Variants in PIK3IP1 observed in about 807,000 individuals in gnomAD.
PIK3IP1 encodes phosphoinositide-3-kinase-interacting protein 1.
In PIK3IP1, 28 loss-of-function variants were observed where a neutral mutation model predicts 30.7. That is an observed-to-expected ratio of 0.91 (90% confidence interval 0.68 to 1.25). The LOEUF is 1.25. Ranked by LOEUF, PIK3IP1 falls within the 50% of genes most tolerant of loss-of-function variation. The pLI, the probability that PIK3IP1 is intolerant of heterozygous loss-of-function variation, is 0.00. For synonymous variants in PIK3IP1, 159 were observed against 140.8 expected (o/e 1.13, Z -0.91); for missense variants, 333 against 346.2 (o/e 0.96, Z 0.30).
intron 1 of PIK3IP1, 82 bp from the exon 2 acceptor site, chr22:31,291,378 A>G: frequency 7.2e-7 from 1 of 1,382,808 alleles, no homozygotes; most frequent in Non-Finnish European, 1.0e-6. Flanking sequence ...GGGAGCCGGG[A>G]CCACCCGGGC....
chr22:31,284,321 C>T (rs962363912), intron 5 of PIK3IP1, among the ~76,000 whole-genome samples: 1 of 152,228 alleles, frequency 6.6e-6, no homozygotes, highest in Non-Finnish European at 1.5e-5. Context: ...GGCCAGGCTG[C>T]ATCATATACA....
chr22:31,291,160 G>A lies in PIK3IP1; in HGVS notation c.187+20C>T, dbSNP rs769070262. 1 of 1,538,902 alleles carries A rather than the reference G, an allele frequency of 6.5e-7. No individual in the cohort carries two copies. Among genetic ancestry groups the A allele is most frequent in the East Asian group, 2.5e-5 (1 of 40,038 alleles). On this transcript the variant is annotated intron_variant, in intron 2 of 5. Transcript: ENST00000215912. ...GCCGCCGCCCGCCAGCCCCGGGGCC[G>A]TCCCCCGGAGGACACTTACCCGACA...
intron 5 of PIK3IP1, among the ~76,000 whole-genome samples, chr22:31,288,338 C>A (rs1029184747): frequency 6.7e-6 from 1 of 149,444 alleles, no homozygotes; most frequent in African/African-American, 2.5e-5. Flanking sequence ...GTGATCGCAC[C>A]ACTGCACTCA....
intron 3 of PIK3IP1, 175 bp from the exon 4 acceptor site, chr22:31,289,874 C>A: frequency 3.2e-6 from 2 of 623,576 alleles, no homozygotes; most frequent in Non-Finnish European, 5.5e-6. Flanking sequence ...GAGGGCTGAA[C>A]CATCTCAGGG....
At chr22:31,283,797 C>T (rs897831003) in intron 5 of PIK3IP1, among the ~76,000 whole-genome samples, 3 of 152,028 alleles carry the variant, frequency 2.0e-5, no homozygotes, top group African/African-American at 4.8e-5. Context: ...ATCTGAACTT[C>T]GGACCTAACC....
At position 31,291,175 on chromosome 22, in the gene PIK3IP1, C is replaced by T. The variant is rs969609403; in HGVS notation, c.187+5G>A. The stretch of plus-strand genomic sequence containing the variant: ...CCCCGGGGCCGTCCCCCGGAGGACA[C>T]TTACCCGACACGGGGGCCGAGGCCA... On this transcript the variant is annotated splice_donor_5th_base_variant and intron_variant, in intron 2 of 5. Coordinates refer to ENST00000215912, the MANE Select transcript of PIK3IP1 (RefSeq NM_052880.5). 5 of 1,545,662 alleles carry T rather than the reference C, an allele frequency of 3.2e-6. No individual in the cohort carries two copies. The highest frequency in any genetic ancestry group is 3.5e-6 in the Non-Finnish European group (4 of 1,144,996).
At position 31,289,558 on chromosome 22, in the gene PIK3IP1, A is replaced by G. The variant is rs1437786367; in HGVS notation, c.449T>C (p.Ile150Thr). 1.9e-6 allele frequency: 3 copies of G among 1,557,986 alleles called. No individual in the cohort carries two copies. Among genetic ancestry groups the G allele is most frequent in the South Asian group, 2.4e-5 (2 of 84,528 alleles). Reference protein sequence around the residue: ...RSEAAAVQPVIGISQRVRMNS... With the variant: ...RSEAAAVQPVTGISQRVRMNS... The stretch of plus-strand genomic sequence containing the variant: ...CATCCGCACCCGCTGGCTGATCCCA[A>G]TCACTGGCTGCACAGCTGCCGCCTC... Residue 150 changes from isoleucine (I) to threonine (T), a missense_variant, in exon 4 of 6, where the codon ATT becomes ACT. Ile to Thr is a moderately conservative substitution (Grantham distance 89). Coordinates refer to ENST00000215912, the MANE Select transcript of PIK3IP1 (RefSeq NM_052880.5).
At chr22:31,290,449 CTCT>C (rs2049165338) in intron 3 of PIK3IP1, 1 of 153,122 alleles carries the variant, frequency 6.5e-6, no homozygotes, top group African/African-American at 2.4e-5. Flanking sequence ...ACCTAGAAAA[CTCT>C]CTTGCTGCTT....
At chr22:31,285,063 G>A (rs2049120907) in intron 5 of PIK3IP1, among the ~76,000 whole-genome samples, 1 of 152,186 alleles carries the variant, frequency 6.6e-6, no homozygotes, top group Non-Finnish European at 1.5e-5. Context: ...AGGTGTAGAG[G>A]AAGCTGCTGC....
chr22:31,283,075 T>TGG lies in PIK3IP1; in HGVS notation c.*7_*8dup, dbSNP rs772451031. On this transcript the variant is annotated 3_prime_UTR_variant, in exon 6 of 6. Coordinates refer to ENST00000215912, the MANE Select transcript of PIK3IP1 (RefSeq NM_052880.5). ...AGTGTCTGCATGGGCTCCTGCCCAC[T>TGG]GGGGGGGCTCAGGCCCCAGGAGTCC... 27 of 1,581,058 alleles carry TGG rather than the reference T, an allele frequency of 1.7e-5. No homozygotes were observed. In the African/African-American group the frequency reaches 3.2e-4, roughly 19 times the overall value.
chr22:31,286,628 A>G (rs572821643), intron 5 of PIK3IP1, among the ~76,000 whole-genome samples: 8 of 152,326 alleles, frequency 5.3e-5, no homozygotes, highest in African/African-American at 1.9e-4. Flanking sequence ...GAACAAATCT[A>G]GAAGAAAAAA....
chr22:31,289,293 G>C, intron 5 of PIK3IP1, 22 bp downstream of exon 5: 2 of 1,612,192 alleles, frequency 1.2e-6, no homozygotes, highest in Non-Finnish European at 1.7e-6. Flanking sequence ...TCCTAAGAGG[G>C]CCCAGAAGAG....
Position 31,292,264 on chromosome 22 carries a change from T to G in PIK3IP1, c.70+11A>C. 6.2e-7 allele frequency: 1 copy of G among 1,613,612 alleles called. No homozygotes were observed. Among genetic ancestry groups the G allele is most frequent in the Non-Finnish European group, 8.5e-7 (1 of 1,179,546 alleles). ...TGAAGTTGCTGCGGAAAGGAAAGAT[T>G]GTAATCTCACCTCCAGATCCATAGG... On this transcript the variant is annotated intron_variant, in intron 1 of 5. Transcript: ENST00000215912.
chr22:31,286,647 C>G (rs948352630), intron 5 of PIK3IP1, among the ~76,000 whole-genome samples: 5 of 152,214 alleles, frequency 3.3e-5, no homozygotes, highest in African/African-American at 1.2e-4. Context: ...AAGACTTCCA[C>G]TGGACACCAG....
intron 5 of PIK3IP1, among the ~76,000 whole-genome samples, chr22:31,284,217 A>G (rs1006971903): frequency 1.3e-5 from 2 of 152,184 alleles, no homozygotes; most frequent in Non-Finnish European, 2.9e-5. Flanking sequence ...TCCCTGTTTT[A>G]TAGATGAAGA....
chr22:31,289,591 G>A lies in PIK3IP1; in HGVS notation c.416C>T (p.Ala139Val), dbSNP rs1188088897. 2 of 1,560,356 alleles carry A rather than the reference G, an allele frequency of 1.3e-6. No homozygotes were observed. Among genetic ancestry groups the A allele is most frequent in the Non-Finnish European group, 1.7e-6 (2 of 1,150,930 alleles). The change falls in exon 4 of 6, where the codon GCT becomes GTT. Residue 139 changes from alanine (A) to valine (V), a missense_variant. Ala to Val is a moderately conservative substitution (Grantham distance 64). This residue lies in a region of PIK3IP1 where 217 missense variants were observed against 227.7 expected (regional missense o/e 0.95). Coordinates refer to ENST00000215912, the MANE Select transcript of PIK3IP1 (RefSeq NM_052880.5). ...CTGCACAGCTGCCGCCTCACTCCGA[G>A]CGGGCAGGGCGTTGGCAGGAGCGAA... is the stretch of plus-strand genomic sequence containing the variant. ...QVFAPANALP[A>V]RSEAAAVQPV...
chr22:31,289,015 G>A, intron 5 of PIK3IP1: 1 of 515,060 alleles, frequency 1.9e-6, no homozygotes, highest in Non-Finnish European at 3.4e-6. Flanking sequence ...CAAAAGAGCT[G>A]GGTCTGAATC....
chr22:31,286,160 GAA>G (rs1349390294), intron 5 of PIK3IP1, among the ~76,000 whole-genome samples: 1 of 151,756 alleles, frequency 6.6e-6, no homozygotes. Flanking sequence ...AAAAAATTAA[GAA>G]AAAAAGATAA....
In PIK3IP1 at chr22:31,292,437, G is replaced by A; in HGVS notation, c.-93C>T. On this transcript the variant is annotated 5_prime_UTR_variant, in exon 1 of 6. Coordinates refer to ENST00000215912, the MANE Select transcript of PIK3IP1 (RefSeq NM_052880.5). ...TCTGCCTCCCAGTCCCAGCCTTGCA[G>A]TCAGACCTGCCCTTGTTATGCTGTT... The A allele has an allele frequency of 1.0e-6, 1 of 991,094 alleles. No individual in the cohort carries two copies. Among genetic ancestry groups the A allele is most frequent in the Non-Finnish European group, 1.6e-6 (1 of 616,794 alleles). 61.4% of individuals were successfully genotyped at this position (991,094 alleles called of 1,614,324 possible). A position where few individuals can be genotyped will look rare whatever the true frequency, so the allele number is the denominator to read the frequency against.
Sources: allele counts gnomAD v4.1 joint callset (sites outside exome capture counted in the v4.1 genomes callset), GRCh38; gene constraint gnomAD v4.1.1; regional missense constraint gnomAD v4.1.1; transcripts MANE v1.5; gene names NCBI Gene and HGNC (gene_info 2026-07-23, HGNC 2026-07-21).